BCO1: variants seen among roughly 807,000 people sequenced by gnomAD.
BCO1 encodes beta,beta-carotene 15,15'-dioxygenase.
In BCO1, 54 loss-of-function variants were observed where a neutral mutation model predicts 56.3. The observed-to-expected ratio is 0.96, with a 90% CI of 0.77 to 1.20. The LOEUF (loss-of-function observed/expected upper bound fraction) is 1.20, where lower values mean the gene tolerates loss of function less well. BCO1 is among the 50% of genes most tolerant of loss of function. The pLI is 0.00. For synonymous variants in BCO1, 318 were observed against 266.1 expected (o/e 1.20, Z -1.90); for missense variants, 801 against 690.9 (o/e 1.16, Z -1.79).
intron 2 of BCO1, among the ~76,000 whole-genome samples, chr16:81,258,197 C>T (rs1906264826): frequency 6.6e-6 from 1 of 152,274 alleles, no homozygotes; most frequent in East Asian, 1.9e-4. Context: ...CTTCCAAACT[C>T]TGAGATAATG....
In BCO1 at chr16:81,285,586, C is replaced by G; in HGVS notation, c.1254C>G (p.Tyr418Ter). ...RVNYAHNGKQ[Y>*]RYVFATGVQW... ...ATTATGCTCACAATGGAAAGCAATA[C>G]CGATATGTCTTTGCTACAGGAGTTC... Residue 418 changes from tyrosine (Y) to a stop codon, truncating the protein, a stop_gained, in exon 9 of 11, where the codon TAC becomes TAG. Coordinates refer to ENST00000258168, the MANE Select transcript of BCO1 (RefSeq NM_017429.3). LOFTEE classifies it high-confidence loss of function. 6.2e-7 allele frequency: 1 copy of G among 1,613,870 alleles called. No homozygotes were observed. The highest frequency in any genetic ancestry group is 8.5e-7 in the Non-Finnish European group (1 of 1,179,720).
intron 2 of BCO1, among the ~76,000 whole-genome samples, chr16:81,248,313 G>C (rs544034917): frequency 6.9e-6 from 1 of 144,238 alleles, no homozygotes; most frequent in South Asian, 2.2e-4. Context: ...TGAGACAGGA[G>C]AATCGCTTGA....
At chr16:81,251,555 A>G (rs1905799204) in intron 2 of BCO1, among the ~76,000 whole-genome samples, 1 of 152,092 alleles carries the variant, frequency 6.6e-6, no homozygotes, top group African/African-American at 2.4e-5. Flanking sequence ...GTGAGACTTC[A>G]TCTAAAAAAA....
chr16:81,257,417 A>G (rs1051753110), intron 2 of BCO1, among the ~76,000 whole-genome samples: 1 of 151,782 alleles, frequency 6.6e-6, no homozygotes, highest in African/African-American at 2.4e-5. Context: ...AGGGTGTGCC[A>G]CCACACCCAG....
At position 81,245,344 on chromosome 16, in the gene BCO1, T is replaced by C. The variant is rs763020895; in HGVS notation, c.65-131T>C. On this transcript the variant is annotated intron_variant, in intron 1 of 10. Transcript: ENST00000258168. ...ACATTATACACTTTCTGGAAATGAC[T>C]GTAGAATAAACGAACAGATGCAAGG... 3.6e-4 allele frequency: 490 copies of C among 1,368,594 alleles called. 1 individual carries two copies. The highest frequency in any genetic ancestry group is 4.0e-4 in the Non-Finnish European group (384 of 961,756). The allele number at this position is 1,368,594 out of a possible 1,614,324, so 84.8% of individuals were successfully genotyped here. A position where few individuals can be genotyped will look rare whatever the true frequency, so the allele number is the denominator to read the frequency against.
chr16:81,242,799 A>G (rs1905196505), intron 1 of BCO1, among the ~76,000 whole-genome samples: 1 of 152,162 alleles, frequency 6.6e-6, no homozygotes, highest in African/African-American at 2.4e-5. Context: ...CGGGCCGCAC[A>G]GCATTACGGC....
At chr16:81,285,734 G>A in intron 9 of BCO1, 100 bp downstream of exon 9, 1 of 895,170 alleles carries the variant, frequency 1.1e-6, no homozygotes, top group Non-Finnish European at 1.9e-6. Flanking sequence ...AAAAGAGGAG[G>A]TCAGAAGGAG....
chr16:81,280,065 C>G (rs772584420), intron 7 of BCO1, among the ~76,000 whole-genome samples: 8 of 151,808 alleles, frequency 5.3e-5, no homozygotes, highest in Non-Finnish European at 7.4e-5. Context: ...GAGTTCAAGA[C>G]CACCCTGGCC....
chr16:81,257,941 G>T (rs931218133), intron 2 of BCO1, among the ~76,000 whole-genome samples: 4 of 152,008 alleles, frequency 2.6e-5, no homozygotes, highest in Non-Finnish European at 5.9e-5. Context: ...TCTTGAGATG[G>T]GGGAGGTGAT....
intron 2 of BCO1, among the ~76,000 whole-genome samples, chr16:81,254,692 C>T (rs1906021475): frequency 6.6e-6 from 1 of 152,120 alleles, no homozygotes; most frequent in Non-Finnish European, 1.5e-5. Context: ...ACCCCAAGGG[C>T]AAAACAAGTT....
chr16:81,253,978 A>G (rs1221977935), intron 2 of BCO1, among the ~76,000 whole-genome samples: 1 of 152,092 alleles, frequency 6.6e-6, no homozygotes, highest in East Asian at 1.9e-4. Flanking sequence ...GGAGAAAGAA[A>G]TATCTCAGTG....
chr16:81,285,443 A>C (rs1908122826), intron 8 of BCO1, 97 bp from the exon 9 acceptor site: 5 of 906,748 alleles, frequency 5.5e-6, no homozygotes, highest in Non-Finnish European at 9.2e-6. Context: ...TGGTGTGGAA[A>C]CGGATTCTGA....
intron 3 of BCO1, among the ~76,000 whole-genome samples, chr16:81,261,682 A>G (rs1906488856): frequency 6.6e-6 from 1 of 152,094 alleles, no homozygotes; most frequent in Non-Finnish European, 1.5e-5. Flanking sequence ...CTGAGTTCTT[A>G]GGATTCCTCA....
chr16:81,256,509 T>C (rs1421866458), intron 2 of BCO1, among the ~76,000 whole-genome samples: 1 of 152,176 alleles, frequency 6.6e-6, no homozygotes, highest in Non-Finnish European at 1.5e-5. Context: ...GAAAAAATCT[T>C]AATGTCATTT....
chr16:81,248,520 T>G (rs1454088298), intron 2 of BCO1, among the ~76,000 whole-genome samples: 1 of 152,038 alleles, frequency 6.6e-6, no homozygotes, highest in Non-Finnish European at 1.5e-5. Context: ...TACACATGAA[T>G]AGAGACACGA....
intron 8 of BCO1, among the ~76,000 whole-genome samples, chr16:81,281,581 A>C (rs767680077): frequency 6.6e-6 from 1 of 152,194 alleles, no homozygotes; most frequent in Non-Finnish European, 1.5e-5. Context: ...CAACATCCAC[A>C]ATATCCTGCA....
Position 81,245,626 on chromosome 16 carries a change from T to G in BCO1, c.193+23T>G, listed in dbSNP as rs757455041. 4 of 1,613,996 alleles carry G rather than the reference T, an allele frequency of 2.5e-6. No individual in the cohort carries two copies. In the East Asian group the frequency reaches 6.7e-5, roughly 27 times the overall value. On this transcript the variant is annotated intron_variant, in intron 2 of 10. Coordinates refer to ENST00000258168, the MANE Select transcript of BCO1 (RefSeq NM_017429.3). The stretch of plus-strand genomic sequence containing the variant: ...ACGGTGAGAACACCCACGAGTGTGC[T>G]GCCACTGCTGCAGCAAAGGACCCCA...
intron 7 of BCO1, among the ~76,000 whole-genome samples, chr16:81,274,523 C>G (rs1907435594): frequency 6.6e-6 from 1 of 152,118 alleles, no homozygotes; most frequent in African/African-American, 2.4e-5. Context: ...CTCAGCCTTC[C>G]AAAGTGCTGG....
chr16:81,258,694 G>A (rs1336351891), intron 2 of BCO1, among the ~76,000 whole-genome samples: 4 of 152,196 alleles, frequency 2.6e-5, no homozygotes, highest in Non-Finnish European at 5.9e-5. Context: ...TCCTTCCTAT[G>A]GAAAATGGAG....
Sources: allele counts gnomAD v4.1 joint callset (sites outside exome capture counted in the v4.1 genomes callset), GRCh38; gene constraint gnomAD v4.1.1; transcripts MANE v1.5; gene names NCBI Gene and HGNC (gene_info 2026-07-23, HGNC 2026-07-21).